The following RABL3 variants were observed in gnomAD, a reference collection of about 807,000 sequenced individuals.
The protein encoded by RABL3 is RAB, member of RAS oncogene family like 3.
RABL3 carries 31 observed loss-of-function variants against 31.8 expected under a neutral mutation model. That is an observed-to-expected ratio of 0.97 (90% confidence interval 0.73 to 1.31). The LOEUF is 1.31. Ranked by LOEUF, RABL3 falls within the 40% of genes most tolerant of loss-of-function variation. The probability of loss-of-function intolerance (pLI) is 0.00; values close to 1 mark genes in which losing one functional copy is unlikely to be tolerated. For synonymous variants in RABL3, 97 were observed against 99.9 expected, an observed-to-expected ratio of 0.97 and a Z score of 0.18; for missense variants, 263 against 279.6, an observed-to-expected ratio of 0.94 and a Z score of 0.42.
chr3:120,703,811 A>T (rs1291919446), intron 4 of RABL3, among the ~76,000 whole-genome samples: 1 of 152,184 alleles, frequency 6.6e-6, no homozygotes, highest in Non-Finnish European at 1.5e-5. Context: ...AAATTTAATG[A>T]AATAGATGGA....
At chr3:120,706,669 C>T (rs1168625549) in intron 3 of RABL3, among the ~76,000 whole-genome samples, 3 of 148,082 alleles carry the variant, frequency 2.0e-5, no homozygotes, top group Admixed American at 6.8e-5. Context: ...TGAGACTAAT[C>T]TATTCAAATG....
intron 1 of RABL3, among the ~76,000 whole-genome samples, chr3:120,738,890 A>C (rs536019095): frequency 4.5e-4 from 68 of 152,326 alleles, no homozygotes; most frequent in Middle Eastern, 3.4e-3. Flanking sequence ...AATTAAAATT[A>C]TGTCCTTAGT....
At position 120,687,761 on chromosome 3, in the gene RABL3, G is replaced by C. The variant is rs1371999380; in HGVS notation, c.*2062C>G. 6.6e-6 allele frequency: 1 copy of C among 150,960 alleles called. No individual in the cohort carries two copies. Among genetic ancestry groups the C allele is most frequent in the Non-Finnish European group, 1.5e-5 (1 of 67,714 alleles). The allele number at this position is 150,960 out of a possible 1,614,324, so 9.4% of individuals were successfully genotyped here. ...ATTGACCCTGGAGTCATCAGCAATA[G>C]TTTACTTTTATTATTTATTTATATA... is the stretch of plus-strand genomic sequence containing the variant. On this transcript the variant is annotated 3_prime_UTR_variant, in exon 8 of 8. Coordinates refer to ENST00000273375, the MANE Select transcript of RABL3 (RefSeq NM_173825.5).
At chr3:120,696,195 T>C (rs1316869084) in intron 5 of RABL3, among the ~76,000 whole-genome samples, 1 of 152,244 alleles carries the variant, frequency 6.6e-6, no homozygotes, top group East Asian at 1.9e-4. Flanking sequence ...TTCAGGCAGT[T>C]ATTTATTAAC....
intron 4 of RABL3, among the ~76,000 whole-genome samples, chr3:120,699,928 G>C (rs1443948263): frequency 6.6e-6 from 1 of 152,164 alleles, no homozygotes; most frequent in African/African-American, 2.4e-5. Context: ...TTTTGAGAGT[G>C]TCTTTCCTTT....
intron 2 of RABL3, among the ~76,000 whole-genome samples, chr3:120,714,645 C>T (rs1426135876): frequency 6.6e-6 from 1 of 152,168 alleles, no homozygotes; most frequent in Non-Finnish European, 1.5e-5. Context: ...AATTTGGTTT[C>T]TGCCACAAAT....
At chr3:120,712,207 C>T (rs1216387013) in intron 2 of RABL3, among the ~76,000 whole-genome samples, 4 of 152,012 alleles carry the variant, frequency 2.6e-5, no homozygotes, top group African/African-American at 9.7e-5. Flanking sequence ...GCCACATTGA[C>T]ATTAAGAAGA....
chr3:120,712,624 T>C (rs991311315), intron 2 of RABL3, among the ~76,000 whole-genome samples: 15 of 152,298 alleles, frequency 9.8e-5, no homozygotes, highest in Non-Finnish European at 1.9e-4. Context: ...CCTCTATCAT[T>C]TCACTAAGCA....
chr3:120,736,624 G>T (rs943029896), intron 1 of RABL3, among the ~76,000 whole-genome samples: 2 of 152,172 alleles, frequency 1.3e-5, no homozygotes, highest in African/African-American at 4.8e-5. Flanking sequence ...TTTCTTCCTA[G>T]CCTCAATGGT....
chr3:120,718,301 T>C (rs1420520001), intron 2 of RABL3, among the ~76,000 whole-genome samples: 1 of 152,178 alleles, frequency 6.6e-6, no homozygotes, highest in East Asian at 1.9e-4. Flanking sequence ...AGGAAATGCC[T>C]TGCTAACACT....
chr3:120,708,965 T>TA lies in RABL3; in HGVS notation c.268+814dup, dbSNP rs147768382. Among the ~76,000 whole-genome samples the TA allele has an allele frequency of 9.2e-3, 1,404 of 152,050 alleles. 21 individuals are homozygous for TA. The highest frequency in any genetic ancestry group is 0.032 in the African/African-American group (1,338 of 41,498). ...AGAAGAGGAATATAAGGAATGAACA[T>TA]ACTGAATAAATGCAATGCTTACCTA... On this transcript the variant is annotated intron_variant, in intron 3 of 7. Coordinates refer to ENST00000273375, the MANE Select transcript of RABL3 (RefSeq NM_173825.5).
intron 5 of RABL3, among the ~76,000 whole-genome samples, chr3:120,695,272 A>C (rs531986708): frequency 6.6e-6 from 1 of 152,114 alleles, no homozygotes; most frequent in African/African-American, 2.4e-5. Flanking sequence ...ATGATAATAC[A>C]TTCTCTAAAA....
Position 120,709,832 on chromosome 3 carries a change from GC to G in RABL3, c.215del (p.Gly72AlafsTer6), listed in dbSNP as rs781427270. On this transcript the variant is annotated frameshift_variant, in exon 3 of 8. Coordinates refer to ENST00000273375, the MANE Select transcript of RABL3 (RefSeq NM_173825.5). LOFTEE classifies it high-confidence loss of function. ...TTGTGCTTTTCACGCTGCTGGCACT[GC>G]CCACAGAGCCTCCAACATCCCATAA... ...IELWDVGGSV[G>X]SASSVKSTRA... The G allele has an allele frequency of 6.2e-6, 10 of 1,611,760 alleles. No individual in the cohort carries two copies. The highest frequency in any genetic ancestry group is 5.9e-6 in the Non-Finnish European group (7 of 1,178,170).
chr3:120,726,066 C>A (rs909578552), intron 2 of RABL3, among the ~76,000 whole-genome samples: 26 of 152,094 alleles, frequency 1.7e-4, no homozygotes, highest in Admixed American at 1.2e-3. Context: ...ATCCTCCCAC[C>A]TGGCCTCCCA....
intron 6 of RABL3, among the ~76,000 whole-genome samples, chr3:120,690,989 C>G (rs1271707411): frequency 1.3e-5 from 2 of 152,132 alleles, no homozygotes; most frequent in Non-Finnish European, 2.9e-5. Flanking sequence ...GACACAACAT[C>G]AAAAGCAGTC....
intron 1 of RABL3, among the ~76,000 whole-genome samples, chr3:120,733,702 G>T (rs1351730656): frequency 6.6e-6 from 1 of 152,190 alleles, no homozygotes; most frequent in Non-Finnish European, 1.5e-5. Flanking sequence ...TAACGTTTAA[G>T]TCTTTAATCC....
At chr3:120,740,219 T>A (rs1220984088) in intron 1 of RABL3, among the ~76,000 whole-genome samples, 1 of 152,182 alleles carries the variant, frequency 6.6e-6, no homozygotes, top group Non-Finnish European at 1.5e-5. Flanking sequence ...TTACCAAATA[T>A]CTCAATAGGA....
At chr3:120,693,316 T>C (rs1363540802) in intron 6 of RABL3, among the ~76,000 whole-genome samples, 1 of 152,114 alleles carries the variant, frequency 6.6e-6, no homozygotes, top group Non-Finnish European at 1.5e-5. Flanking sequence ...GTGGGGCTTA[T>C]CCAATGCTGA....
chr3:120,714,454 G>A (rs557196295), intron 2 of RABL3, among the ~76,000 whole-genome samples: 2 of 152,232 alleles, frequency 1.3e-5, no homozygotes, highest in South Asian at 4.2e-4. Context: ...AAAGGTTACT[G>A]CTGTCTCTTC....
Sources: gnomAD v4.1 joint callset for allele counts (sites outside exome capture counted in the v4.1 genomes callset) on GRCh38, gnomAD v4.1.1 for gene constraint, MANE v1.5 for transcripts, NCBI Gene and HGNC (gene_info 2026-07-23, HGNC 2026-07-21) for gene names.